Variants in CDH4 observed in about 807,000 individuals in gnomAD.
CDH4 encodes cadherin 4.
CDH4 carries 33 observed loss-of-function variants against 86.0 expected under a neutral mutation model. That is an observed-to-expected ratio of 0.38 (90% CI 0.29 to 0.51). The LOEUF is 0.51. Among genes scored for constraint, CDH4 ranks in the 20% least tolerant of loss-of-function variants. CDH4 has a pLI of 0.86. For synonymous variants in CDH4, 555 were observed against 549.4 expected (o/e 1.01, Z -0.14); for missense variants, 1,114 against 1,307.4 (o/e 0.85, Z 2.28).
chr20:61,897,046 C>T (rs908005265), intron 8 of CDH4, among the ~76,000 whole-genome samples: 2 of 152,160 alleles, frequency 1.3e-5, no homozygotes, highest in Admixed American at 6.5e-5. Context: ...CTCTGAAAAA[C>T]GGCCAGCCCA....
At chr20:61,888,791 C>T (rs1057501799) in intron 7 of CDH4, among the ~76,000 whole-genome samples, 1 of 152,226 alleles carries the variant, frequency 6.6e-6, no homozygotes, top group African/African-American at 2.4e-5. Flanking sequence ...CGCAGACTGA[C>T]ACAGCATCAG....
intron 2 of CDH4, among the ~76,000 whole-genome samples, chr20:61,398,658 TC>T (rs11477211): frequency 0.14 from 20,998 of 152,242 alleles, 1,868 homozygotes; most frequent in East Asian, 0.3. Flanking sequence ...TTCATCCACC[TC>T]ACTCCATGTC....
rs143471346 is a variant in CDH4, at chr20:61,285,544, A to G, written c.169+30607A>G. ...CCTGTGCGGCCCCTCCGAGCCTGCC[A>G]CGGAGCATTTTTTGCCGGGCAGATA... On this transcript the variant is annotated intron_variant, in intron 2 of 15. Transcript: ENST00000614565. Among the ~76,000 whole-genome samples, 625 of 152,378 alleles carry G rather than the reference A, an allele frequency of 4.1e-3. 5 individuals carry two copies. The highest frequency in any genetic ancestry group is 0.014 in the African/African-American group (603 of 41,600).
chr20:61,813,259 G>A (rs894167839), intron 4 of CDH4, among the ~76,000 whole-genome samples: 6 of 152,102 alleles, frequency 3.9e-5, no homozygotes, highest in East Asian at 1.9e-4. Context: ...GCTTCGGGCC[G>A]GGATCTCCCC....
At chr20:61,357,552 C>T (rs1261521300) in intron 2 of CDH4, among the ~76,000 whole-genome samples, 4 of 152,224 alleles carry the variant, frequency 2.6e-5, no homozygotes, top group Non-Finnish European at 5.9e-5. Flanking sequence ...TTCCTGGTTC[C>T]ATATCCCCAT....
intron 4 of CDH4, among the ~76,000 whole-genome samples, chr20:61,804,187 C>T (rs548137220): frequency 3.3e-5 from 5 of 152,344 alleles, no homozygotes; most frequent in East Asian, 1.9e-4. Flanking sequence ...GAGAGCCGCC[C>T]GAACTGCTGT....
chr20:61,736,651 GA>G (rs1361541928), intron 2 of CDH4, among the ~76,000 whole-genome samples: 3 of 136,286 alleles, frequency 2.2e-5, no homozygotes, highest in Admixed American at 7.5e-5. Flanking sequence ...AGGAAGGAGA[GA>G]GAGAGAGAGG....
chr20:61,367,530 C>T (rs2084817601), intron 2 of CDH4, among the ~76,000 whole-genome samples: 1 of 151,812 alleles, frequency 6.6e-6, no homozygotes, highest in Non-Finnish European at 1.5e-5. Context: ...CTCCCACTGA[C>T]CCAACCTTGA....
At position 61,743,678 on chromosome 20, in the gene CDH4, C is replaced by G; in HGVS notation, c.285C>G (p.Ser95=). ...CCACCCGGGAGCTGCAGGTCCCCTC[C>G]GAGCAGGTGGCGTTCACGGTGACTG... ...VFATRELQVP[S]EQVAFTVTAW... Residue 95 remains serine, a synonymous_variant, in exon 3 of 16, where the codon TCC becomes TCG. Coordinates refer to ENST00000614565, the MANE Select transcript of CDH4 (RefSeq NM_001794.5). 1 of 1,605,802 alleles carries G rather than the reference C, an allele frequency of 6.2e-7. No homozygotes were observed. The highest frequency in any genetic ancestry group is 8.5e-7 in the Non-Finnish European group (1 of 1,176,344).
At chr20:61,873,946 C>G in intron 7 of CDH4, 46 bp downstream of exon 7, 1 of 1,597,016 alleles carries the variant, frequency 6.3e-7, no homozygotes. Flanking sequence ...GCTCCTGGTC[C>G]CCGCAGGACA....
chr20:61,809,298 G>T (rs370533351), intron 4 of CDH4, among the ~76,000 whole-genome samples: 1 of 152,084 alleles, frequency 6.6e-6, no homozygotes, highest in Non-Finnish European at 1.5e-5. Flanking sequence ...GATGGTCAGC[G>T]GCAGGATGAT....
intron 5 of CDH4, among the ~76,000 whole-genome samples, chr20:61,852,121 C>G (rs562404797): frequency 6.6e-6 from 1 of 152,026 alleles, no homozygotes; most frequent in East Asian, 1.9e-4. Context: ...GGCCCTGCCT[C>G]TCCACGGATC....
At chr20:61,625,766 C>T (rs553620307) in intron 2 of CDH4, among the ~76,000 whole-genome samples, 29 of 152,302 alleles carry the variant, frequency 1.9e-4, no homozygotes, top group South Asian at 1.5e-3. Flanking sequence ...TTCTGAGCCC[C>T]GTGTTCACCT....
chr20:61,418,955 T>G (rs1179287047), intron 2 of CDH4, among the ~76,000 whole-genome samples: 1 of 152,200 alleles, frequency 6.6e-6, no homozygotes, highest in South Asian at 2.1e-4. Flanking sequence ...TACCACTTTT[T>G]CTGTGTGTCT....
chr20:61,301,921 A>G (rs537627564), intron 2 of CDH4, among the ~76,000 whole-genome samples: 5 of 152,238 alleles, frequency 3.3e-5, no homozygotes, highest in Non-Finnish European at 7.3e-5. Context: ...TTCATTAACA[A>G]CCGGGGGTTT....
chr20:61,293,077 T>TCCG (rs2123187133), intron 2 of CDH4, among the ~76,000 whole-genome samples: 1 of 152,282 alleles, frequency 6.6e-6, no homozygotes, highest in South Asian at 2.1e-4. Context: ...TGTAGCCACT[T>TCCG]CCGCAGATCC....
At position 61,708,925 on chromosome 20, in the gene CDH4, A is replaced by G. The variant is rs1230324574; in HGVS notation, c.170-34638A>G. On this transcript the variant is annotated intron_variant, in intron 2 of 15. Coordinates refer to ENST00000614565, the MANE Select transcript of CDH4 (RefSeq NM_001794.5). The surrounding 1 kb of genome is among the most constrained non-coding windows in gnomAD (Gnocchi z 4.5). ...TACAAAGTATCAGCTTGTGACAGAG[A>G]TTGGACATTAGAAAACAAAAGGCTG... Among the ~76,000 whole-genome samples, 2 of 152,236 alleles carry G rather than the reference A, an allele frequency of 1.3e-5. No individual in the cohort carries two copies. Among genetic ancestry groups the G allele is most frequent in the East Asian group, 3.9e-4 (2 of 5,186 alleles).
intron 2 of CDH4, among the ~76,000 whole-genome samples, chr20:61,306,952 G>A (rs191236147): frequency 6.6e-6 from 1 of 152,260 alleles, no homozygotes; most frequent in Admixed American, 6.5e-5. Flanking sequence ...TTTCCTCCTT[G>A]GTGTGGCTAT....
chr20:61,697,491 G>A (rs1391794492), intron 2 of CDH4, among the ~76,000 whole-genome samples: 2 of 152,114 alleles, frequency 1.3e-5, no homozygotes, highest in Non-Finnish European at 2.9e-5. Context: ...CCAGCTACTC[G>A]GGAGGCTGAG....
Sources: gnomAD v4.1 joint callset for allele counts (sites outside exome capture counted in the v4.1 genomes callset) on GRCh38, gnomAD v4.1.1 for gene constraint, Gnocchi (gnomAD v3.1) non-coding constraint, MANE v1.5 for transcripts, NCBI Gene and HGNC (gene_info 2026-07-23, HGNC 2026-07-21) for gene names.